Variants in FLT1 observed in about 807,000 individuals in gnomAD.
FLT1 encodes fms related receptor tyrosine kinase 1, also known as vascular endothelial growth factor receptor 1.
FLT1 carries 49 observed loss-of-function variants against 156.3 expected under a neutral mutation model. The ratio of observed to expected loss-of-function variants is 0.31; its 90% CI spans 0.25 to 0.40. The LOEUF is 0.40. FLT1 is among the 10% of genes least tolerant of loss of function. The probability of loss-of-function intolerance (pLI) is 1.00; values close to 1 mark genes in which losing one functional copy is unlikely to be tolerated. For missense variants in FLT1, 1,322 were observed against 1,637.2 expected, an observed-to-expected ratio of 0.81 and a Z score of 3.32; for synonymous variants, 594 against 583.8, an observed-to-expected ratio of 1.02 and a Z score of -0.25.
chr13:28,482,242 C>T (rs1176250443), intron 1 of FLT1, among the ~76,000 whole-genome samples: 1 of 152,072 alleles, frequency 6.6e-6, no homozygotes, highest in East Asian at 1.9e-4. Context: ...AGTTTGAGAC[C>T]AGCCTGACCA....
At chr13:28,459,819 T>C (rs907647640) in intron 3 of FLT1, among the ~76,000 whole-genome samples, 2 of 152,260 alleles carry the variant, frequency 1.3e-5, no homozygotes, top group Non-Finnish European at 2.9e-5. Context: ...TTTGAAGCTT[T>C]GGCAATCTGT....
chr13:28,398,068 T>C (rs1298728181), intron 11 of FLT1, among the ~76,000 whole-genome samples: 1 of 152,124 alleles, frequency 6.6e-6, no homozygotes, highest in East Asian at 1.9e-4. Flanking sequence ...AAACAAATTG[T>C]TAAACATTCT....
Position 28,479,670 on chromosome 13 carries a change from C to T in FLT1, c.65-12053G>A, listed in dbSNP as rs546838858. Among the ~76,000 whole-genome samples the T allele has an allele frequency of 1.4e-4, 22 of 152,262 alleles. No individual in the cohort carries two copies. In the South Asian group the frequency reaches 2.5e-3, roughly 17 times the overall value. ...TTTACCGAATGTTTTTCACTCATTTCGGCATGTGATATTAAGGCCTTCCTT... is the reference window on the plus strand; with the variant it reads ...TTTACCGAATGTTTTTCACTCATTTTGGCATGTGATATTAAGGCCTTCCTT... On this transcript the variant is annotated intron_variant, in intron 1 of 29. Coordinates refer to ENST00000282397, the MANE Select transcript of FLT1 (RefSeq NM_002019.4).
rs1053866290 is a variant in FLT1, at chr13:28,331,587, C to T, written c.2594-1859G>A. Among the ~76,000 whole-genome samples the T allele has an allele frequency of 4.6e-5, 7 of 152,170 alleles. No individual in the cohort carries two copies. The East Asian group carries it at 5.8e-4, about 13-fold the overall frequency. The stretch of plus-strand genomic sequence containing the variant: ...CTGGGACTACAGGTGCCCACCACCA[C>T]GCCCGGCTAATTTTTGTATTTTTTA... On this transcript the variant is annotated intron_variant, in intron 18 of 29. Coordinates refer to ENST00000282397, the MANE Select transcript of FLT1 (RefSeq NM_002019.4).
At chr13:28,385,315 T>C (rs1266879476) in intron 13 of FLT1, among the ~76,000 whole-genome samples, 1 of 152,230 alleles carries the variant, frequency 6.6e-6, no homozygotes, top group South Asian at 2.1e-4. Context: ...CCTTCCTTTT[T>C]TTGAGAGGAG....
rs760521160 is a variant in FLT1, at chr13:28,329,709, C to T, written c.2613G>A (p.Glu871=). ...TTAGCTCAGTCATCAGAGCTTTGTA[C>T]TCGCTGGCCGTGGCCCCCTCTGTGT... ...KMLKEGATAS[E]YKALMTELKI... is the part of the protein sequence containing the mutation. The change falls in exon 19 of 30, where the codon GAG becomes GAA. Residue 871 remains glutamate (E), a synonymous_variant. Coordinates refer to ENST00000282397, the MANE Select transcript of FLT1 (RefSeq NM_002019.4). 3 of 1,613,966 alleles carry T rather than the reference C, an allele frequency of 1.9e-6. No individual in the cohort carries two copies. The highest frequency in any genetic ancestry group is 1.7e-5 in the Admixed American group (1 of 60,004).
chr13:28,473,960 T>A (rs1880398011), intron 1 of FLT1, among the ~76,000 whole-genome samples: 3 of 152,206 alleles, frequency 2.0e-5, no homozygotes, highest in Admixed American at 2.0e-4. Flanking sequence ...TGATATGTGC[T>A]GCCACATAGA....
chr13:28,417,701 T>C (rs541694164), intron 10 of FLT1, among the ~76,000 whole-genome samples: 3 of 150,402 alleles, frequency 2.0e-5, no homozygotes, highest in African/African-American at 7.3e-5. Context: ...GGGGTCCTGC[T>C]ATGTTGCCCA....
chr13:28,339,109 G>A, intron 17 of FLT1, 59 bp downstream of exon 17: 1 of 1,532,676 alleles, frequency 6.5e-7, no homozygotes, highest in Non-Finnish European at 9.0e-7. Context: ...AAAGCACAGT[G>A]TTTTTCATGT....
At chr13:28,368,836 C>T (rs1468100721) in intron 14 of FLT1, among the ~76,000 whole-genome samples, 1 of 151,704 alleles carries the variant, frequency 6.6e-6, no homozygotes, top group Non-Finnish European at 1.5e-5. Flanking sequence ...TCCTGAGTAG[C>T]TGGGATTACA....
chr13:28,450,922 T>C (rs1177582227), intron 3 of FLT1, among the ~76,000 whole-genome samples: 2 of 152,104 alleles, frequency 1.3e-5, no homozygotes, highest in Non-Finnish European at 2.9e-5. Context: ...AGCGTGACAA[T>C]TACATCTTCA....
intron 14 of FLT1, among the ~76,000 whole-genome samples, chr13:28,381,458 CT>C (rs1354649903): frequency 3.9e-5 from 6 of 152,150 alleles, no homozygotes; most frequent in African/African-American, 1.4e-4. Flanking sequence ...ACTCAGAAGG[CT>C]GAGTCAGGAG....
intron 11 of FLT1, among the ~76,000 whole-genome samples, chr13:28,402,416 T>C (rs978115132): frequency 2.4e-4 from 36 of 152,330 alleles, no homozygotes; most frequent in Middle Eastern, 3.4e-3. Flanking sequence ...ATACATTTTT[T>C]CACACCCACA....
At chr13:28,398,655 C>T (rs1002254583) in intron 11 of FLT1, among the ~76,000 whole-genome samples, 21 of 152,200 alleles carry the variant, frequency 1.4e-4, no homozygotes, top group African/African-American at 4.8e-4. Context: ...TTACACCTAC[C>T]CATATACTCC....
intron 1 of FLT1, among the ~76,000 whole-genome samples, chr13:28,476,510 T>A (rs1880556838): frequency 1.3e-5 from 2 of 152,238 alleles, no homozygotes; most frequent in African/African-American, 2.4e-5. Context: ...AGCAACATTA[T>A]ATTTAGTTTG....
intron 4 of FLT1, among the ~76,000 whole-genome samples, chr13:28,436,369 T>A (rs1421246258): frequency 6.6e-6 from 1 of 152,308 alleles, no homozygotes; most frequent in East Asian, 1.9e-4. Context: ...GGAAAGATAT[T>A]AACTTCATGT....
chr13:28,333,145 G>A (rs1011458631), intron 18 of FLT1, among the ~76,000 whole-genome samples: 5 of 152,306 alleles, frequency 3.3e-5, no homozygotes, highest in Non-Finnish European at 7.4e-5. Context: ...GAACTTTGAC[G>A]TCTCCCTAAG....
At chr13:28,467,233 A>G in intron 2 of FLT1, 104 bp from the exon 3 acceptor site, 1 of 871,688 alleles carries the variant, frequency 1.1e-6, no homozygotes, top group Non-Finnish European at 1.9e-6. Flanking sequence ...TCCTCTCTTA[A>G]GTGTAGTCAT....
chr13:28,307,467 G>T (rs1593666194), intron 28 of FLT1, among the ~76,000 whole-genome samples: 1 of 152,066 alleles, frequency 6.6e-6, no homozygotes, highest in African/African-American at 2.4e-5. Flanking sequence ...GGAGGGTGAA[G>T]GTTGAGAATT....
Sources: gnomAD v4.1 joint callset for allele counts (sites outside exome capture counted in the v4.1 genomes callset) on GRCh38, gnomAD v4.1.1 for gene constraint, MANE v1.5 for transcripts, NCBI Gene and HGNC (gene_info 2026-07-23, HGNC 2026-07-21) for gene names.